DCPS: variants seen among roughly 807,000 people sequenced by gnomAD.
DCPS encodes the protein m7GpppX diphosphatase.
A neutral mutation model predicts 34.7 loss-of-function variants in DCPS; 27 were observed. That is an observed-to-expected ratio of 0.78 (90% CI 0.57 to 1.07). The LOEUF is 1.07. Among genes scored for constraint, DCPS ranks in the 50% least tolerant of loss-of-function variants. The probability of loss-of-function intolerance (pLI) is 0.00; values close to 1 mark genes in which losing one functional copy is unlikely to be tolerated. For synonymous variants in DCPS, 185 were observed against 185.7 expected (o/e 1.00, Z 0.03); for missense variants, 464 against 436.9 (o/e 1.06, Z -0.55).
rs1202381992 is a variant in DCPS at position 126,331,509 on chromosome 11, A to G, written c.481A>G (p.Ile161Val). The change falls in exon 3 of 6, where the codon ATT becomes GTT. Residue 161 changes from isoleucine (I) to valine (V), a missense_variant. Ile to Val is a conservative substitution (Grantham distance 29). Transcript: ENST00000263579. The surrounding 1 kb of genome is among the most constrained non-coding windows in gnomAD (Gnocchi z 7.2). ...AGAGACGGGAGATGACTACAGGAATATTACTTTACCCCACCTGGAGTCCCA... is the reference window on the plus strand; with the variant it reads ...AGAGACGGGAGATGACTACAGGAATGTTACTTTACCCCACCTGGAGTCCCA... ...IRETGDDYRN[I>V]TLPHLESQSL... 1 of 1,614,124 alleles carries G rather than the reference A, an allele frequency of 6.2e-7. No individual in the cohort carries two copies. Among genetic ancestry groups the G allele is most frequent in the Non-Finnish European group, 8.5e-7 (1 of 1,180,024 alleles).
In DCPS at chr11:126,320,359, A is replaced by G. The variant is rs1168834002; in HGVS notation, c.377-11046A>G. On this transcript the variant is annotated intron_variant, in intron 2 of 5. Transcript: ENST00000263579. This position sits in a 1 kb window ranked among gnomAD's most constrained non-coding sequence, Gnocchi z 4.7. ...TATGTCACGTGGCAACAAACAGCAA[A>G]GATTGAAAGTAAAGCATCATAAGGG... Among the ~76,000 whole-genome samples the G allele has an allele frequency of 6.6e-6, 1 of 152,190 alleles. No homozygotes were observed. Among genetic ancestry groups the G allele is most frequent in the East Asian group, 1.9e-4 (1 of 5,200 alleles).
Position 126,319,908 on chromosome 11 carries a change from C to T in DCPS, c.377-11497C>T, listed in dbSNP as rs1951691259. 6.6e-6 allele frequency among the ~76,000 whole-genome samples: 1 copy of T among 152,052 alleles called. No homozygotes were observed. Among genetic ancestry groups the T allele is most frequent in the Admixed American group, 6.6e-5 (1 of 15,256 alleles). ...GGGCTCAGTTTTAAGGGGTAGCTTC[C>T]TTTTAACGTATTTGTTACACAAGTG... On this transcript the variant is annotated intron_variant, in intron 2 of 5. Transcript: ENST00000263579. This position sits in a 1 kb window ranked among gnomAD's most constrained non-coding sequence, Gnocchi z 4.5.
chr11:126,312,902 T>C lies in DCPS; in HGVS notation c.376+6158T>C, dbSNP rs1951629152. Among the ~76,000 whole-genome samples, 1 of 152,206 alleles carries C rather than the reference T, an allele frequency of 6.6e-6. No homozygotes were observed. The highest frequency in any genetic ancestry group is 2.4e-5 in the African/African-American group (1 of 41,444). ...GGGTAGGTTTCCTTTCTTCTTCCTG[T>C]TGCTGTGTGGCACATGTGAGGAGCT... On this transcript the variant is annotated intron_variant, in intron 2 of 5. Transcript: ENST00000263579. This position sits in a 1 kb window ranked among gnomAD's most constrained non-coding sequence, Gnocchi z 5.1.
rs889352684 is a variant in DCPS, at chr11:126,336,176, G to A, written c.523-2110G>A. Reference sequence around the variant, plus strand: ...AGCCACCTCTCAGGGTTGCTGTGACGCTGAGAGCAGTGCCAGGCAGAGTGC... The same window carrying A: ...AGCCACCTCTCAGGGTTGCTGTGACACTGAGAGCAGTGCCAGGCAGAGTGC... On this transcript the variant is annotated intron_variant, in intron 3 of 5. Coordinates refer to ENST00000263579, the MANE Select transcript of DCPS (RefSeq NM_014026.6). The surrounding 1 kb of genome is among the most constrained non-coding windows in gnomAD (Gnocchi z 6.3). Among the ~76,000 whole-genome samples, 4 of 150,118 alleles carry A rather than the reference G, an allele frequency of 2.7e-5. No homozygotes were observed. Among genetic ancestry groups the A allele is most frequent in the Non-Finnish European group, 5.9e-5 (4 of 67,848 alleles).
At position 126,325,719 on chromosome 11, in the gene DCPS, C is replaced by G. The variant is rs1951734333; in HGVS notation, c.377-5686C>G. On this transcript the variant is annotated intron_variant, in intron 2 of 5. Coordinates refer to ENST00000263579, the MANE Select transcript of DCPS (RefSeq NM_014026.6). The surrounding 1 kb of genome is among the most constrained non-coding windows in gnomAD (Gnocchi z 4.3). ...ACAAACACAGTGTTAAAAAGCATGACAGGGGAACTCTGTAAGGAGTGTTGG... is the reference window on the plus strand; with the variant it reads ...ACAAACACAGTGTTAAAAAGCATGAGAGGGGAACTCTGTAAGGAGTGTTGG... Among the ~76,000 whole-genome samples the G allele has an allele frequency of 6.6e-6, 1 of 152,254 alleles. No individual in the cohort carries two copies. Among genetic ancestry groups the G allele is most frequent in the South Asian group, 2.1e-4 (1 of 4,820 alleles).
rs1229124960 is a variant in DCPS at position 126,328,730 on chromosome 11, C to G, written c.377-2675C>G. On this transcript the variant is annotated intron_variant, in intron 2 of 5. Coordinates refer to ENST00000263579, the MANE Select transcript of DCPS (RefSeq NM_014026.6). The surrounding 1 kb of genome is among the most constrained non-coding windows in gnomAD (Gnocchi z 6.6). ...CTCTGCCTCTGTGCCCTGCCCATCT[C>G]TCCCCCACTCTCAGGGAGCTCCACT... Among the ~76,000 whole-genome samples the G allele has an allele frequency of 6.6e-6, 1 of 152,210 alleles. No homozygotes were observed. Among genetic ancestry groups the G allele is most frequent in the Non-Finnish European group, 1.5e-5 (1 of 68,034 alleles).
chr11:126,304,418 A>G lies in DCPS; in HGVS notation c.201+137A>G, dbSNP rs1951546740. The G allele has an allele frequency of 3.2e-6, 3 of 952,326 alleles. No homozygotes were observed. In the Admixed American group the frequency reaches 6.8e-5, roughly 22 times the overall value. The allele number at this position is 952,326 out of a possible 1,614,324, so 59.0% of individuals were successfully genotyped here. ...TCCGGGGAGGCGGGAGTGCGCCACT[A>G]GAATGCATAGAGGGGCGGTGAAAGG... On this transcript the variant is annotated intron_variant, in intron 1 of 5. Coordinates refer to ENST00000263579, the MANE Select transcript of DCPS (RefSeq NM_014026.6).
In DCPS at chr11:126,345,399, T is replaced by C; in HGVS notation, c.800T>C (p.Leu267Pro). 1.9e-6 allele frequency: 3 copies of C among 1,614,194 alleles called. No individual in the cohort carries two copies. Among genetic ancestry groups the C allele is most frequent in the Non-Finnish European group, 2.5e-6 (3 of 1,180,016 alleles). Residue 267 changes from leucine to proline, a missense_variant, in exon 6 of 6, where the codon CTG (leucine) becomes CCG (proline). Leu to Pro is a moderately conservative substitution (Grantham distance 98). Transcript: ENST00000263579. This position sits in a 1 kb window ranked among gnomAD's most constrained non-coding sequence, Gnocchi z 7.4. ...AAGGGAGACCATCTGCGAGTATACC[T>C]GCACTACCTGCCCTCCTACTACCAC... is the stretch of plus-strand genomic sequence containing the variant. ...RMKGDHLRVYLHYLPSYYHLH... is the reference protein window; with the variant it reads ...RMKGDHLRVYPHYLPSYYHLH...
Position 126,339,980 on chromosome 11 carries a change from G to A in DCPS, c.636+1581G>A, listed in dbSNP as rs149230034. The stretch of plus-strand genomic sequence containing the variant: ...GGACCTTCTGCCGCACCAGACTCTT[G>A]AAGACTGAAGAGCTTGCCAGGGGAT... On this transcript the variant is annotated intron_variant, in intron 4 of 5. Coordinates refer to ENST00000263579, the MANE Select transcript of DCPS (RefSeq NM_014026.6). Among the ~76,000 whole-genome samples the A allele has an allele frequency of 1.6e-4, 25 of 152,348 alleles. 1 individual carries two copies. Among genetic ancestry groups the A allele is most frequent in the African/African-American group, 5.8e-4 (24 of 41,596 alleles).
At chr11:126,321,583 G>T (rs1335594283) in intron 2 of DCPS, among the ~76,000 whole-genome samples, 1 of 152,132 alleles carries the variant, frequency 6.6e-6, no homozygotes, top group African/African-American at 2.4e-5. Flanking sequence ...GAAGCTCCAG[G>T]TGACCACAGC....
chr11:126,346,492 CA>C lies in DCPS; in HGVS notation c.*880del, dbSNP rs1451327769. On this transcript the variant is annotated 3_prime_UTR_variant, in exon 6 of 6. Coordinates refer to ENST00000263579, the MANE Select transcript of DCPS (RefSeq NM_014026.6). This position sits in a 1 kb window ranked among gnomAD's most constrained non-coding sequence, Gnocchi z 4.1. ...CCTCAAAGCGTCAGAGGCTGATGAGCAGTTAGGCAGCCAACAGGGCTCAAGC... is the reference window on the plus strand; with the variant it reads ...CCTCAAAGCGTCAGAGGCTGATGAGCGTTAGGCAGCCAACAGGGCTCAAGC... 1.3e-5 allele frequency among the ~76,000 whole-genome samples: 2 copies of C among 152,170 alleles called. No homozygotes were observed. Among genetic ancestry groups the C allele is most frequent in the Non-Finnish European group, 2.9e-5 (2 of 68,028 alleles).
chr11:126,330,719 ATTTTTTTTT>A (rs1167717646), intron 2 of DCPS, among the ~76,000 whole-genome samples: 1 of 18,874 alleles, frequency 5.3e-5, no homozygotes, highest in Non-Finnish European at 8.8e-5. Flanking sequence ...ATATATATAT[ATTTTTTTTT>A]TTTTTTTTTT....
intron 4 of DCPS, among the ~76,000 whole-genome samples, chr11:126,339,844 T>C (rs1451472161): frequency 1.3e-5 from 2 of 152,134 alleles, no homozygotes; most frequent in Non-Finnish European, 2.9e-5. Flanking sequence ...CCATCTGTCT[T>C]GTGGGGCTGC....
rs927888638 is a variant in DCPS, at chr11:126,335,020, T to C, written c.523-3266T>C. Among the ~76,000 whole-genome samples, 1 of 152,240 alleles carries C rather than the reference T, an allele frequency of 6.6e-6. No individual in the cohort carries two copies. Among genetic ancestry groups the C allele is most frequent in the Non-Finnish European group, 1.5e-5 (1 of 68,044 alleles). ...AAATTGAGAGAGGTGCCATATATCA[T>C]GTGCCTGCTATTGTTTCCAGCACAG... On this transcript the variant is annotated intron_variant, in intron 3 of 5. Transcript: ENST00000263579. This position sits in a 1 kb window ranked among gnomAD's most constrained non-coding sequence, Gnocchi z 4.8.
chr11:126,313,510 A>T lies in DCPS; in HGVS notation c.376+6766A>T, dbSNP rs1191207195. Among the ~76,000 whole-genome samples the T allele has an allele frequency of 2.6e-5, 4 of 152,188 alleles. No individual in the cohort carries two copies. The highest frequency in any genetic ancestry group is 5.9e-5 in the Non-Finnish European group (4 of 68,036). ...TGCCTAGCTACAGCAGTGAAAATGA[A>T]CTACAGCTGCCTGTATCAATGAAGG... On this transcript the variant is annotated intron_variant, in intron 2 of 5. Transcript: ENST00000263579. The surrounding 1 kb of genome is among the most constrained non-coding windows in gnomAD (Gnocchi z 4.9).
intron 2 of DCPS, among the ~76,000 whole-genome samples, chr11:126,307,254 A>G (rs1336089422): frequency 1.3e-5 from 2 of 150,232 alleles, no homozygotes; most frequent in African/African-American, 4.9e-5. Context: ...ACTCGCTTGA[A>G]CCCAGGAGGC....
chr11:126,307,342 A>AG (rs146873730), intron 2 of DCPS, among the ~76,000 whole-genome samples: 16,682 of 151,526 alleles, frequency 0.11, 1,222 homozygotes, highest in Non-Finnish European at 0.16. Flanking sequence ...CAAAAAAAAA[A>AG]AAAAAAAAGA....
chr11:126,307,649 C>T (rs1428756896), intron 2 of DCPS, among the ~76,000 whole-genome samples: 1 of 152,068 alleles, frequency 6.6e-6, no homozygotes, highest in East Asian at 1.9e-4. Flanking sequence ...CCTCGTGATC[C>T]ACCCGTCTTG....
At chr11:126,304,325 C>T (rs746387231) in intron 1 of DCPS, 44 bp downstream of exon 1, 130 of 1,598,632 alleles carry the variant, frequency 8.1e-5, no homozygotes, top group Middle Eastern at 3.3e-4. Flanking sequence ...AAGCAGTGAA[C>T]CAATCATCGC....
Sources: gnomAD v4.1 joint callset for allele counts (sites outside exome capture counted in the v4.1 genomes callset) on GRCh38, gnomAD v4.1.1 for gene constraint, Gnocchi (gnomAD v3.1) non-coding constraint, MANE v1.5 for transcripts, NCBI Gene and HGNC (gene_info 2026-07-23, HGNC 2026-07-21) for gene names.